Variants in MCPH1 observed in about 807,000 individuals in gnomAD.
MCPH1 encodes microcephalin 1.
A neutral mutation model predicts 84.5 loss-of-function variants in MCPH1; 104 were observed. The ratio of observed to expected loss-of-function variants is 1.23; its 90% CI spans 1.05 to 1.45. The LOEUF is 1.45. MCPH1 is among the 40% of genes most tolerant of loss of function. The pLI, the probability that MCPH1 is intolerant of heterozygous loss-of-function variation, is 0.00. For missense variants in MCPH1, 1,498 were observed against 1,005.7 expected (o/e 1.49, Z -6.62); for synonymous variants, 514 against 366.8 (o/e 1.40, Z -4.58).
intron 2 of MCPH1, among the ~76,000 whole-genome samples, chr8:6,413,628 C>G (rs1380764611): frequency 5.9e-5 from 9 of 151,888 alleles, no homozygotes; most frequent in African/African-American, 2.2e-4. Flanking sequence ...GAGCTTTACT[C>G]AACTTCATTG....
intron 12 of MCPH1, chr8:6,503,381 G>T (rs544758515): frequency 3.1e-6 from 3 of 962,680 alleles, no homozygotes; most frequent in African/African-American, 1.6e-5. Context: ...GGCACATGCA[G>T]ATGATGGTGA....
At chr8:6,555,086 G>C (rs1263219189) in intron 12 of MCPH1, among the ~76,000 whole-genome samples, 3 of 151,878 alleles carry the variant, frequency 2.0e-5, no homozygotes, top group African/African-American at 7.3e-5. Context: ...GGTTCATACT[G>C]GTATTCTAAA....
chr8:6,623,687 CCAAAA>C (rs1365779820), intron 13 of MCPH1, among the ~76,000 whole-genome samples: 1 of 17,018 alleles, frequency 5.9e-5, no homozygotes, highest in African/African-American at 2.9e-4. Flanking sequence ...AAACCAACTT[CCAAAA>C]AAAAAAAAAA....
chr8:6,467,883 C>A (rs531822838), intron 9 of MCPH1, among the ~76,000 whole-genome samples: 3 of 152,210 alleles, frequency 2.0e-5, no homozygotes, highest in Non-Finnish European at 4.4e-5. Flanking sequence ...TAGGCATGAA[C>A]CACCATGCCT....
At chr8:6,529,664 C>T (rs1213245547) in intron 12 of MCPH1, among the ~76,000 whole-genome samples, 3 of 147,588 alleles carry the variant, frequency 2.0e-5, no homozygotes, top group African/African-American at 7.5e-5. Flanking sequence ...GGGGTTTCAC[C>T]ATGTTGCTCA....
intron 12 of MCPH1, among the ~76,000 whole-genome samples, chr8:6,584,708 T>C (rs1164546679): frequency 1.3e-5 from 2 of 152,228 alleles, no homozygotes; most frequent in Non-Finnish European, 2.9e-5. Context: ...TGACTTTTCA[T>C]AGTGACTCTA....
At chr8:6,624,808 T>G in intron 13 of MCPH1, 1 of 985,354 alleles carries the variant, frequency 1.0e-6, no homozygotes, top group Non-Finnish European at 1.2e-6. Flanking sequence ...GTCCAGGGCA[T>G]TGCGTTTCCT....
At chr8:6,561,941 C>G (rs1825604399) in intron 12 of MCPH1, among the ~76,000 whole-genome samples, 1 of 152,200 alleles carries the variant, frequency 6.6e-6, no homozygotes, top group African/African-American at 2.4e-5. Flanking sequence ...ATGACTTGAA[C>G]ATAACCGTCC....
chr8:6,473,816 G>C (rs909785882), intron 9 of MCPH1: 8 of 1,231,682 alleles, frequency 6.5e-6, no homozygotes, highest in South Asian at 5.5e-5. Flanking sequence ...CAGCAAGAGT[G>C]ATTGTAAAGT....
chr8:6,494,889 T>G (rs952668631), intron 11 of MCPH1, among the ~76,000 whole-genome samples: 7 of 152,218 alleles, frequency 4.6e-5, no homozygotes, highest in African/African-American at 1.7e-4. Flanking sequence ...TGGTTAATTG[T>G]ATATTATGCC....
At position 6,553,846 on chromosome 8, in the gene MCPH1, C is replaced by T. The variant is rs1206141674; in HGVS notation, c.2214+53917C>T. The stretch of plus-strand genomic sequence containing the variant: ...CACGTGATTCAGCCACTGAGGATGG[C>T]ACTGGCTGTGGATTTACATGTAAGA... On this transcript the variant is annotated intron_variant, in intron 12 of 13. Transcript: ENST00000344683. 5.3e-5 allele frequency among the ~76,000 whole-genome samples: 8 copies of T among 152,224 alleles called. No individual in the cohort carries two copies. The East Asian group carries it at 1.3e-3, about 26-fold the overall frequency.
chr8:6,444,619 A>C lies in MCPH1; in HGVS notation c.897A>C (p.Glu299Asp). Residue 299 changes from glutamate to aspartate, a missense_variant, in exon 8 of 14, where the codon GAA becomes GAC. Coordinates refer to ENST00000344683, the MANE Select transcript of MCPH1 (RefSeq NM_024596.5). ...QKFLSNLSKE[E>D]INLQRNIAGK... ...TTCTGAGTAATCTTTCAAAGGAAGAAATAAACTTGCAAAGAAATATTGCAG... is the reference window on the plus strand; with the variant it reads ...TTCTGAGTAATCTTTCAAAGGAAGACATAAACTTGCAAAGAAATATTGCAG... 1 of 1,614,244 alleles carries C rather than the reference A, an allele frequency of 6.2e-7. No homozygotes were observed. Among genetic ancestry groups the C allele is most frequent in the Non-Finnish European group, 8.5e-7 (1 of 1,180,050 alleles).
At chr8:6,472,754 C>A (rs1328430671) in intron 9 of MCPH1, among the ~76,000 whole-genome samples, 1 of 152,160 alleles carries the variant, frequency 6.6e-6, no homozygotes, top group Non-Finnish European at 1.5e-5. Flanking sequence ...AGGGATAAGC[C>A]ACCATGTCCA....
chr8:6,511,990 C>G (rs912384391), intron 12 of MCPH1, among the ~76,000 whole-genome samples: 5 of 151,502 alleles, frequency 3.3e-5, no homozygotes, highest in African/African-American at 1.2e-4. Flanking sequence ...ACTGACCAAC[C>G]ACTTGTGTCT....
intron 9 of MCPH1, 53 bp downstream of exon 9, chr8:6,455,305 G>A (rs1805558295): frequency 8.1e-7 from 1 of 1,234,828 alleles, no homozygotes; most frequent in African/African-American, 1.5e-5. Flanking sequence ...ACATCATAAT[G>A]TTCTTCTCTG....
chr8:6,425,752 C>G (rs2979646), intron 3 of MCPH1, among the ~76,000 whole-genome samples: 3,733 of 152,284 alleles, frequency 0.025, 166 homozygotes, highest in African/African-American at 0.085. Flanking sequence ...CTTCTCTGCT[C>G]CTCGGTTTTC....
chr8:6,451,735 G>T (rs1284973322), intron 8 of MCPH1, among the ~76,000 whole-genome samples: 1 of 151,922 alleles, frequency 6.6e-6, no homozygotes, highest in African/African-American at 2.4e-5. Flanking sequence ...ATTCTTTCCA[G>T]TCTTAATATT....
chr8:6,425,042 G>C (rs554388042), intron 3 of MCPH1, among the ~76,000 whole-genome samples: 1 of 152,222 alleles, frequency 6.6e-6, no homozygotes, highest in Admixed American at 6.5e-5. Context: ...CATAAAGAAT[G>C]CAGGATTGGC....
At chr8:6,416,539 G>T (rs2515455) in intron 3 of MCPH1, among the ~76,000 whole-genome samples, 148,129 of 152,312 alleles carry the variant, frequency 0.97, 72,160 homozygotes, top group East Asian at 1. Context: ...AGTTAGATAT[G>T]GTTGTCAGAT....
Sources: allele counts gnomAD v4.1 joint callset (sites outside exome capture counted in the v4.1 genomes callset), GRCh38; gene constraint gnomAD v4.1.1; transcripts MANE v1.5; gene names NCBI Gene and HGNC (gene_info 2026-07-23, HGNC 2026-07-21).